Variants in NRG1 observed in about 807,000 individuals in gnomAD.
NRG1 encodes the protein neuregulin 1.
In NRG1, 18 loss-of-function variants were observed where a neutral mutation model predicts 63.8. The ratio of observed to expected loss-of-function variants is 0.28; its 90% CI spans 0.19 to 0.42. NRG1 has a LOEUF of 0.42. NRG1 is among the 10% of genes least tolerant of loss of function. The pLI is 1.00. For missense variants in NRG1, 762 were observed against 814.7 expected (o/e 0.94, Z 0.79); for synonymous variants, 302 against 301.3 (o/e 1.00, Z -0.02).
chr8:31,826,392 C>T (rs6992723), intron 1 of NRG1, among the ~76,000 whole-genome samples: 4 of 152,018 alleles, frequency 2.6e-5, no homozygotes, highest in South Asian at 2.1e-4. Context: ...ATAAGTCTCA[C>T]AAGATCTGAT....
At chr8:32,182,615 C>G (rs1402021532) in intron 1 of NRG1, among the ~76,000 whole-genome samples, 1 of 152,156 alleles carries the variant, frequency 6.6e-6, no homozygotes. Flanking sequence ...AGCTAATTCT[C>G]GCACTCTCAC....
At chr8:31,872,776 A>T (rs1398484084) in intron 1 of NRG1, among the ~76,000 whole-genome samples, 1 of 152,238 alleles carries the variant, frequency 6.6e-6, no homozygotes, top group Non-Finnish European at 1.5e-5. Flanking sequence ...CATTTTGAAA[A>T]CAGTGCTATG....
intron 1 of NRG1, among the ~76,000 whole-genome samples, chr8:31,813,794 G>A (rs972737472): frequency 3.3e-5 from 5 of 151,952 alleles, no homozygotes; most frequent in East Asian, 2.0e-4. Context: ...CCCAGAGTGC[G>A]GGGATTATAG....
chr8:32,633,153 A>G (rs892930872), intron 5 of NRG1, among the ~76,000 whole-genome samples: 2 of 152,216 alleles, frequency 1.3e-5, no homozygotes, highest in African/African-American at 4.8e-5. Flanking sequence ...GTGCTTTGGT[A>G]TCACCAGTAA....
intron 1 of NRG1, among the ~76,000 whole-genome samples, chr8:32,363,589 A>G (rs1167806002): frequency 1.3e-5 from 2 of 152,210 alleles, no homozygotes; most frequent in Non-Finnish European, 2.9e-5. Context: ...TTTGTGGAAC[A>G]AGGTTAGCAA....
At chr8:32,459,384 G>A (rs1246517775) in intron 1 of NRG1, among the ~76,000 whole-genome samples, 2 of 152,000 alleles carry the variant, frequency 1.3e-5, no homozygotes, top group Non-Finnish European at 2.9e-5. Context: ...CTCTTGCATA[G>A]TTTAGCGGTA....
chr8:32,494,629 A>G (rs1276498203), intron 1 of NRG1, among the ~76,000 whole-genome samples: 1 of 152,234 alleles, frequency 6.6e-6, no homozygotes, highest in Non-Finnish European at 1.5e-5. Context: ...GTGGCCATAT[A>G]TAAAAGCTAA....
intron 1 of NRG1, among the ~76,000 whole-genome samples, chr8:32,146,144 T>G (rs1408650020): frequency 6.6e-6 from 1 of 152,150 alleles, no homozygotes; most frequent in African/African-American, 2.4e-5. Flanking sequence ...AACCAGAATG[T>G]TTTTTACCGG....
chr8:31,696,030 A>T (rs1359824950), intron 1 of NRG1, among the ~76,000 whole-genome samples: 2 of 152,144 alleles, frequency 1.3e-5, no homozygotes, highest in Non-Finnish European at 2.9e-5. Context: ...ATTAAAAGAT[A>T]ATGTATACAT....
intron 1 of NRG1, among the ~76,000 whole-genome samples, chr8:31,974,933 T>C (rs1586191559): frequency 1.3e-5 from 2 of 152,168 alleles, no homozygotes; most frequent in African/African-American, 2.4e-5. Context: ...AGTCAGTATG[T>C]GATGAGCTTT....
chr8:32,676,265 G>A (rs557971335), intron 5 of NRG1, among the ~76,000 whole-genome samples: 1 of 152,218 alleles, frequency 6.6e-6, no homozygotes, highest in African/African-American at 2.4e-5. Context: ...AAAGCTAACT[G>A]GGGACTTGCT....
chr8:32,475,729 G>A (rs1824440935), intron 1 of NRG1, among the ~76,000 whole-genome samples: 1 of 152,022 alleles, frequency 6.6e-6, no homozygotes, highest in East Asian at 1.9e-4. Context: ...TTTTCTTAAG[G>A]CAGAAATGAT....
At chr8:31,862,108 G>C (rs1331997620) in intron 1 of NRG1, among the ~76,000 whole-genome samples, 1 of 152,044 alleles carries the variant, frequency 6.6e-6, no homozygotes, top group African/African-American at 2.4e-5. Context: ...GGAAACCCTG[G>C]GAAATGTTTA....
chr8:32,755,309 G>GA (rs1589611621), intron 8 of NRG1, among the ~76,000 whole-genome samples: 1 of 152,026 alleles, frequency 6.6e-6, no homozygotes, highest in Non-Finnish European at 1.5e-5. Flanking sequence ...CAAGGTTTTT[G>GA]AAAAAATGTT....
chr8:32,401,856 A>G (rs1206547728), intron 1 of NRG1, among the ~76,000 whole-genome samples: 3 of 152,154 alleles, frequency 2.0e-5, no homozygotes, highest in Non-Finnish European at 2.9e-5. Context: ...CCTGTATAAC[A>G]AACCTGCATA....
chr8:32,042,446 T>TA (rs113711705), intron 1 of NRG1, among the ~76,000 whole-genome samples: 10,627 of 151,062 alleles, frequency 0.07, 836 homozygotes, highest in African/African-American at 0.19. Flanking sequence ...ACCTAAAAAT[T>TA]AAAAAAAACA....
intron 1 of NRG1, among the ~76,000 whole-genome samples, chr8:32,108,377 A>G (rs1481759): frequency 7.6e-4 from 116 of 152,270 alleles, no homozygotes; most frequent in Non-Finnish European, 1.3e-3. Flanking sequence ...GCATCTTCAG[A>G]GGGGAGGGGA....
chr8:31,682,560 T>C (rs1196578322), intron 1 of NRG1, among the ~76,000 whole-genome samples: 2 of 152,270 alleles, frequency 1.3e-5, no homozygotes, highest in African/African-American at 4.8e-5. Flanking sequence ...ATGCAAGCAC[T>C]GGGGAAACTG....
chr8:31,851,021 C>T (rs2129609008), intron 1 of NRG1, among the ~76,000 whole-genome samples: 1 of 152,296 alleles, frequency 6.6e-6, no homozygotes, highest in Non-Finnish European at 1.5e-5. Flanking sequence ...GCCATATACT[C>T]AGTGCCTCCT....
Sources: gnomAD v4.1 joint callset for allele counts (sites outside exome capture counted in the v4.1 genomes callset) on GRCh38, gnomAD v4.1.1 for gene constraint, MANE v1.5 for transcripts, NCBI Gene and HGNC (gene_info 2026-07-23, HGNC 2026-07-21) for gene names.